The following GUCY2D variants were observed in gnomAD, a reference collection of about 807,000 sequenced individuals.
GUCY2D encodes guanylate cyclase 2D, retinal.
GUCY2D carries 70 observed loss-of-function variants against 101.3 expected under a neutral mutation model. That is an observed-to-expected ratio of 0.69 (90% CI 0.57 to 0.84). The LOEUF (loss-of-function observed/expected upper bound fraction) is 0.84. Ranked by LOEUF, GUCY2D falls within the 40% of genes least tolerant of loss-of-function variation. The probability of loss-of-function intolerance (pLI) is 0.00; values close to 1 mark genes in which losing one functional copy is unlikely to be tolerated. For synonymous variants in GUCY2D, 688 were observed against 670.7 expected (o/e 1.03, Z -0.40); for missense variants, 1,460 against 1,542.5 (o/e 0.95, Z 0.90).
At chr17:8,016,085 G>A in intron 17 of GUCY2D, 64 bp downstream of exon 17, 1 of 1,456,348 alleles carries the variant, frequency 6.9e-7, no homozygotes, top group Non-Finnish European at 9.5e-7. Flanking sequence ...CCCATCCCGG[G>A]CCGCGGCTGC....
Position 8,014,883 on chromosome 17 carries a change from G to C in GUCY2D, c.2601G>C (p.Thr867=), listed in dbSNP as rs760202269. 33 of 1,613,976 alleles carry C rather than the reference G, an allele frequency of 2.0e-5. No homozygotes were observed. In the Admixed American group the frequency reaches 5.5e-4, roughly 27 times the overall value. The change falls in exon 14 of 20, where the codon ACG becomes ACC. Residue 867 remains threonine, a synonymous_variant. Coordinates refer to ENST00000254854, the MANE Select transcript of GUCY2D (RefSeq NM_000180.4). The surrounding 1 kb of genome is among the most constrained non-coding windows in gnomAD (Gnocchi z 4.0). Reference sequence around the variant, plus strand: ...GGTCTGTGGCTGAGGCCTTGAAGACGGGGACACCAGTGGAGCCCGAGTACT... The same window carrying C: ...GGTCTGTGGCTGAGGCCTTGAAGACCGGGACACCAGTGGAGCCCGAGTACT... ...LPPSVAEALK[T]GTPVEPEYFE...
chr17:8,014,980 G>A lies in GUCY2D; in HGVS notation c.2698G>A (p.Glu900Lys). Reference protein sequence around the residue: ...TTISAMSEPIEVVDLLNDLYT... With the variant: ...TTISAMSEPIKVVDLLNDLYT... ...CATCTCTGCCATGAGTGAGCCCATT[G>A]AGGTTGTGGACCTGCTCAACGATCT... Residue 900 changes from glutamate to lysine, a missense_variant, in exon 14 of 20, where the codon GAG (glutamate) becomes AAG (lysine). Coordinates refer to ENST00000254854, the MANE Select transcript of GUCY2D (RefSeq NM_000180.4). This position sits in a 1 kb window ranked among gnomAD's most constrained non-coding sequence, Gnocchi z 4.0. 1 of 1,600,380 alleles carries A rather than the reference G, an allele frequency of 6.2e-7. No homozygotes were observed. Among genetic ancestry groups the A allele is most frequent in the Non-Finnish European group, 8.5e-7 (1 of 1,173,470 alleles).
Position 8,004,057 on chromosome 17 carries a change from C to T in GUCY2D, c.927C>T (p.Leu309=). The change falls in exon 3 of 20, where the codon CTC becomes CTT. Residue 309 remains leucine, a synonymous_variant. Transcript: ENST00000254854. The part of the protein sequence containing the change: ...SQLRRAHDAV[L]TLTRHCPSEG... ...TTCGCAGGGCCCACGATGCCGTGCT[C>T]ACCCTCACGCGCCACTGTCCCTCTG... is the stretch of plus-strand genomic sequence containing the variant. The T allele has an allele frequency of 1.2e-6, 2 of 1,608,280 alleles. No homozygotes were observed. The highest frequency in any genetic ancestry group is 8.5e-7 in the Non-Finnish European group (1 of 1,179,902).
chr17:8,017,924 C>T (rs1227502071), intron 19 of GUCY2D, among the ~76,000 whole-genome samples: 1 of 152,144 alleles, frequency 6.6e-6, no homozygotes, highest in Non-Finnish European at 1.5e-5. Context: ...CTTGAACTGA[C>T]ATCAAGTGAT....
intron 19 of GUCY2D, 87 bp downstream of exon 19, chr17:8,016,641 T>G: frequency 5.7e-6 from 4 of 705,658 alleles, no homozygotes; most frequent in Non-Finnish European, 9.8e-6. Flanking sequence ...TCCCGATCCC[T>G]TTCTGACTTA....
Position 8,013,251 on chromosome 17 carries a change from G to A in GUCY2D, c.2262G>A (p.Glu754=), listed in dbSNP as rs1975893237. The change falls in exon 11 of 20, where the codon GAG becomes GAA. Residue 754 remains glutamate, a splice_region_variant and synonymous_variant. Coordinates refer to ENST00000254854, the MANE Select transcript of GUCY2D (RefSeq NM_000180.4). This position sits in a 1 kb window ranked among gnomAD's most constrained non-coding sequence, Gnocchi z 5.0. ...ATGCCATGCTGGAGCTCACTCCCGA[G>A]GGTAAGGCTGCCCTGTGCGTGGAGT... ...APYAMLELTP[E]EVVQRVRSPP... is the part of the protein sequence containing the mutation. 6.2e-7 allele frequency: 1 copy of A among 1,613,912 alleles called. No homozygotes were observed. The highest frequency in any genetic ancestry group is 1.3e-5 in the African/African-American group (1 of 74,932).
chr17:8,013,817 A>G lies in GUCY2D; in HGVS notation c.2264-63A>G, dbSNP rs1975904130. The G allele has an allele frequency of 6.9e-7, 1 of 1,456,652 alleles. No homozygotes were observed. Among genetic ancestry groups the G allele is most frequent in the East Asian group, 2.3e-5 (1 of 44,078 alleles). 90.2% of individuals were successfully genotyped at this position (1,456,652 alleles called of 1,614,324 possible). On this transcript the variant is annotated intron_variant, in intron 11 of 19. Transcript: ENST00000254854. This position sits in a 1 kb window ranked among gnomAD's most constrained non-coding sequence, Gnocchi z 5.0. ...CATCTTGGTCTTCAACAGTCAGGCC[A>G]GGGTCAGAGGCAGCCTTTGTGTTCT...
chr17:8,003,507 T>A lies in GUCY2D; in HGVS notation c.460T>A (p.Trp154Arg), dbSNP rs1369268347. 2.0e-6 allele frequency: 3 copies of A among 1,532,720 alleles called. No individual in the cohort carries two copies. The highest frequency in any genetic ancestry group is 2.6e-6 in the Non-Finnish European group (3 of 1,146,102). The allele number at this position is 1,532,720 out of a possible 1,614,324, so 94.9% of individuals were successfully genotyped here. ...CGCGCTGGTGCCCTGGGGCTGCCCC[T>A]GGACGCAGGCGGAGGGCACCACGGC... is the stretch of plus-strand genomic sequence containing the variant. Reference protein sequence around the residue: ...GIALVPWGCPWTQAEGTTAPA... With the variant: ...GIALVPWGCPRTQAEGTTAPA... The change falls in exon 2 of 20, where the codon TGG becomes AGG. Residue 154 changes from tryptophan (W) to arginine (R), a missense_variant. Physicochemically the swap from Trp to Arg is moderately radical, Grantham distance 101 (BLOSUM62 -3). Transcript: ENST00000254854.
At position 8,016,566 on chromosome 17, in the gene GUCY2D, T is replaced by TCAGCCC; in HGVS notation, c.*24+15_*24+20dup. The TCAGCCC allele has an allele frequency of 7.4e-7, 1 of 1,353,662 alleles. No individual in the cohort carries two copies. Among genetic ancestry groups the TCAGCCC allele is most frequent in the Non-Finnish European group, 1.0e-6 (1 of 974,634 alleles). The allele number at this position is 1,353,662 out of a possible 1,614,324, so 83.9% of individuals were successfully genotyped here. A position where few individuals can be genotyped will look rare whatever the true frequency, so the allele number is the denominator to read the frequency against. On this transcript the variant is annotated intron_variant, in intron 19 of 19. Coordinates refer to ENST00000254854, the MANE Select transcript of GUCY2D (RefSeq NM_000180.4). Reference sequence around the variant, plus strand: ...CCGGCCCCGGACAGGTACTGCCCCCTCAGCCCCAACCCCAGCTGCCGCGTC... The same window carrying TCAGCCC: ...CCGGCCCCGGACAGGTACTGCCCCCTCAGCCCCAGCCCCAACCCCAGCTGCCGCGTC...
In GUCY2D at chr17:8,003,372, G is replaced by A. The variant is rs1218251686; in HGVS notation, c.325G>A (p.Gly109Ser). The A allele has an allele frequency of 1.4e-6, 2 of 1,465,530 alleles. No individual in the cohort carries two copies. The allele number at this position is 1,465,530 out of a possible 1,614,324, so 90.8% of individuals were successfully genotyped here. A position where few individuals can be genotyped will look rare whatever the true frequency, so the allele number is the denominator to read the frequency against. The change falls in exon 2 of 20, where the codon GGC (glycine) becomes AGC (serine). Residue 109 changes from glycine (G) to serine (S), a missense_variant. Coordinates refer to ENST00000254854, the MANE Select transcript of GUCY2D (RefSeq NM_000180.4). ...ALLPEPCRTP[G>S]SLGAVSSALA... ...GCTGCCCGAGCCTTGCCGGACGCCGGGCTCGCTGGGGGCCGTGTCCTCCGC... is the reference window on the plus strand; with the variant it reads ...GCTGCCCGAGCCTTGCCGGACGCCGAGCTCGCTGGGGGCCGTGTCCTCCGC...
In GUCY2D at chr17:8,014,898, G is replaced by A. The variant is rs369035095; in HGVS notation, c.2616G>A (p.Glu872=). ...CCTTGAAGACGGGGACACCAGTGGA[G>A]CCCGAGTACTTTGAGCAAGTGACAC... ...AEALKTGTPV[E]PEYFEQVTLY... Residue 872 remains glutamate (E), a synonymous_variant, in exon 14 of 20, where the codon GAG becomes GAA. Coordinates refer to ENST00000254854, the MANE Select transcript of GUCY2D (RefSeq NM_000180.4). This position sits in a 1 kb window ranked among gnomAD's most constrained non-coding sequence, Gnocchi z 4.0. 36 of 1,614,024 alleles carry A rather than the reference G, an allele frequency of 2.2e-5. No homozygotes were observed. In the African/African-American group the frequency reaches 4.1e-4, roughly 19 times the overall value.
At chr17:8,007,311 G>A (rs1975764540) in intron 5 of GUCY2D, 115 bp from the exon 6 acceptor site, 1 of 902,454 alleles carries the variant, frequency 1.1e-6, no homozygotes, top group South Asian at 1.3e-5. Context: ...CTTTGGGGAT[G>A]GCTGCCCTCC....
At chr17:8,017,710 T>C (rs67594392) in intron 19 of GUCY2D, among the ~76,000 whole-genome samples, 15,432 of 152,204 alleles carry the variant, frequency 0.1, 995 homozygotes, top group African/African-American at 0.17. Context: ...TTCTTTTTTT[T>C]TGAGTCTCAC....
At chr17:8,009,988 G>GA (rs201897109) in intron 8 of GUCY2D, among the ~76,000 whole-genome samples, 84 of 143,118 alleles carry the variant, frequency 5.9e-4, no homozygotes, top group South Asian at 8.8e-4. Context: ...AATTAAGAAA[G>GA]AAAAAAAAAA....
rs1975678489 is a variant in GUCY2D, at chr17:8,003,597, G to A, written c.550G>A (p.Val184Met). 1.3e-6 allele frequency: 2 copies of A among 1,587,482 alleles called. No homozygotes were observed. The highest frequency in any genetic ancestry group is 1.7e-6 in the Non-Finnish European group (2 of 1,173,250). ...GCTTCGCGCATTCGGCTGGGCGCGC[G>A]TGGCCCTGGTCACCGCCCCCCAGGA... ...ALLRAFGWAR[V>M]ALVTAPQDLW... The change falls in exon 2 of 20, where the codon GTG becomes ATG. Residue 184 changes from valine to methionine, a missense_variant. By Grantham distance (21) the Val-to-Met change is conservative. This residue lies in a region of GUCY2D where 1,196 missense variants were observed against 1,229.6 expected (regional missense o/e 0.97). Coordinates refer to ENST00000254854, the MANE Select transcript of GUCY2D (RefSeq NM_000180.4).
intron 15 of GUCY2D, 24 bp downstream of exon 15, chr17:8,015,526 T>A: frequency 6.3e-7 from 1 of 1,599,280 alleles, no homozygotes. Context: ...CTTCCCAGGC[T>A]CCAGCCCATC....
chr17:8,019,893 A>T (rs1300971362), intron 19 of GUCY2D, among the ~76,000 whole-genome samples: 1 of 152,136 alleles, frequency 6.6e-6, no homozygotes, highest in African/African-American at 2.4e-5. Context: ...GTCACTGGGC[A>T]TCCCCCACCT....
chr17:8,012,591 C>G lies in GUCY2D; in HGVS notation c.2098C>G (p.Pro700Ala), dbSNP rs1975876493. 1 of 1,613,344 alleles carries G rather than the reference C, an allele frequency of 6.2e-7. No homozygotes were observed. The highest frequency in any genetic ancestry group is 2.2e-5 in the East Asian group (1 of 44,886). ...LLEAQKVLPE[P>A]PRAEDQLWTA... ...GGAAGCACAGAAGGTGCTACCGGAG[C>G]CTCCCAGAGCGGAGGGTAAGAGTCC... The change falls in exon 10 of 20, where the codon CCT becomes GCT. Residue 700 changes from proline (P) to alanine (A), a missense_variant. By Grantham distance (27) the Pro-to-Ala change is conservative (BLOSUM62 -1). Around this residue, in one of 3 missense-constraint regions of GUCY2D, gnomAD observed 1,196 missense variants for 1,229.6 expected, o/e 0.97. Coordinates refer to ENST00000254854, the MANE Select transcript of GUCY2D (RefSeq NM_000180.4).
intron 19 of GUCY2D, among the ~76,000 whole-genome samples, chr17:8,019,353 G>A (rs1234121669): frequency 6.6e-6 from 1 of 152,222 alleles, no homozygotes; most frequent in South Asian, 2.1e-4. Context: ...GGATTAGCTG[G>A]GACAGGCTTA....
Sources: allele counts gnomAD v4.1 joint callset (sites outside exome capture counted in the v4.1 genomes callset), GRCh38; gene constraint gnomAD v4.1.1; regional missense constraint gnomAD v4.1.1; non-coding constraint Gnocchi (gnomAD v3.1); transcripts MANE v1.5; gene names NCBI Gene and HGNC (gene_info 2026-07-23, HGNC 2026-07-21).